HYDIN: variants seen among roughly 807,000 people sequenced by gnomAD.
The protein encoded by HYDIN is axonemal central pair apparatus protein HYDIN.
A neutral mutation model predicts 403.9 loss-of-function variants in HYDIN; 132 were observed. That is an observed-to-expected ratio of 0.33 (90% CI 0.28 to 0.38). The LOEUF is 0.38. HYDIN is among the 10% of genes least tolerant of loss of function. The pLI, the probability that HYDIN is intolerant of heterozygous loss-of-function variation, is 1.00. For synonymous variants in HYDIN, 1,202 were observed against 1,891.7 expected, an observed-to-expected ratio of 0.64 and a Z score of 9.46; for missense variants, 2,827 against 5,009.5, an observed-to-expected ratio of 0.56 and a Z score of 13.15.
At chr16:70,885,536 A>G (rs2041077647) in intron 58 of HYDIN, among the ~76,000 whole-genome samples, 1 of 152,162 alleles carries the variant, frequency 6.6e-6, no homozygotes, top group Non-Finnish European at 1.5e-5. Flanking sequence ...GCAGAAAGCT[A>G]GAAGAGATGG....
chr16:71,130,470 GTTTTTTTTTTTTTTTTTTTT>G (rs56853905), intron 8 of HYDIN, among the ~76,000 whole-genome samples: 1 of 75,786 alleles, frequency 1.3e-5, no homozygotes, highest in African/African-American at 4.6e-5. Context: ...ATATATACCG[GTTTTTTTTTTTTTTTTTTTT>G]TTTTTTTTGA....
intron 81 of HYDIN, 147 bp downstream of exon 81, chr16:70,829,471 C>A: frequency 1.5e-6 from 1 of 658,082 alleles, no homozygotes; most frequent in Non-Finnish European, 2.7e-6. Context: ...TGACCTCAGG[C>A]GATCCACCCT....
chr16:71,182,443 T>A (rs1812445881), intron 3 of HYDIN, among the ~76,000 whole-genome samples: 1 of 152,038 alleles, frequency 6.6e-6, no homozygotes, highest in South Asian at 2.1e-4. Flanking sequence ...GCAGTATGAT[T>A]AAAGACACAT....
chr16:70,975,822 CTTAGAGTAT>C (rs1415502568), intron 30 of HYDIN, among the ~76,000 whole-genome samples: 1 of 83,288 alleles, frequency 1.2e-5, no homozygotes, highest in African/African-American at 4.5e-5. Context: ...TCTTCCTCCC[CTTAGAGTAT>C]TTAGTTTAGA....
intron 1 of HYDIN, among the ~76,000 whole-genome samples, chr16:71,213,308 A>T (rs1395310100): frequency 6.6e-6 from 1 of 152,098 alleles, no homozygotes; most frequent in Non-Finnish European, 1.5e-5. Context: ...TCATGAATTT[A>T]AAAAATAATA....
chr16:70,825,263 G>A (rs924913286), intron 83 of HYDIN, among the ~76,000 whole-genome samples: 3 of 151,860 alleles, frequency 2.0e-5, no homozygotes, highest in African/African-American at 7.3e-5. Context: ...GAATCATTTA[G>A]GACTTTCTCT....
chr16:71,004,069 C>T (rs2144081424), intron 23 of HYDIN, among the ~76,000 whole-genome samples: 1 of 151,452 alleles, frequency 6.6e-6, no homozygotes, highest in Non-Finnish European at 1.5e-5. Context: ...AATCCCAGCA[C>T]TTTGGGAGGC....
chr16:70,972,906 T>C (rs2078773155), intron 35 of HYDIN, among the ~76,000 whole-genome samples: 1 of 152,326 alleles, frequency 6.6e-6, no homozygotes, highest in Middle Eastern at 3.4e-3. Context: ...CAGATGAGAT[T>C]TTTCTGCCAA....
chr16:70,807,543 C>G lies in HYDIN; in HGVS notation c.*37G>C, dbSNP rs752028034. 1 of 1,556,074 alleles carries G rather than the reference C, an allele frequency of 6.4e-7. No homozygotes were observed. Among genetic ancestry groups the G allele is most frequent in the South Asian group, 1.2e-5 (1 of 80,528 alleles). On this transcript the variant is annotated 3_prime_UTR_variant, in exon 86 of 86. Coordinates refer to ENST00000393567, the MANE Select transcript of HYDIN (RefSeq NM_001270974.2). ...TATTCTTTTTCAGGCTAAGACAATGCATAGCTTTTGGTTGATACAGGTAAC... is the reference window on the plus strand; with the variant it reads ...TATTCTTTTTCAGGCTAAGACAATGGATAGCTTTTGGTTGATACAGGTAAC...
rs1308504528 is a variant in HYDIN at position 70,805,588 on chromosome 16, T to C, written c.*1992A>G. Among the ~76,000 whole-genome samples, 1 of 152,230 alleles carries C rather than the reference T, an allele frequency of 6.6e-6. No homozygotes were observed. Among genetic ancestry groups the C allele is most frequent in the Non-Finnish European group, 1.5e-5 (1 of 68,032 alleles). Reference sequence around the variant, plus strand: ...CAGTAAGCCCTCCAGGGGATGCTGATGTATACTAATATTTCAGAAGCACTG... The same window carrying C: ...CAGTAAGCCCTCCAGGGGATGCTGACGTATACTAATATTTCAGAAGCACTG... On this transcript the variant is annotated 3_prime_UTR_variant, in exon 86 of 86. Coordinates refer to ENST00000393567, the MANE Select transcript of HYDIN (RefSeq NM_001270974.2).
At chr16:71,207,009 T>C (rs1427069430) in intron 1 of HYDIN, among the ~76,000 whole-genome samples, 1 of 152,150 alleles carries the variant, frequency 6.6e-6, no homozygotes, top group Non-Finnish European at 1.5e-5. Flanking sequence ...TGTTTCAGGA[T>C]ACCATCCATG....
chr16:71,024,347 T>TCAC (rs1243121100), intron 21 of HYDIN, among the ~76,000 whole-genome samples: 1 of 152,192 alleles, frequency 6.6e-6, no homozygotes, highest in Non-Finnish European at 1.5e-5. Context: ...CCCTCCCTTG[T>TCAC]CACCAGACTA....
intron 10 of HYDIN, among the ~76,000 whole-genome samples, chr16:71,110,923 G>A (rs1038014011): frequency 2.2e-5 from 2 of 92,700 alleles, no homozygotes; most frequent in African/African-American, 4.4e-5. Flanking sequence ...ATACTTTCCT[G>A]GGAAACCTAG....
At chr16:71,048,126 T>C (rs2081511802) in intron 18 of HYDIN, among the ~76,000 whole-genome samples, 1 of 150,130 alleles carries the variant, frequency 6.7e-6, no homozygotes, top group Non-Finnish European at 1.5e-5. Context: ...TTTCACTTAA[T>C]GTAATATCCT....
chr16:70,968,907 T>C (rs1043558130), intron 36 of HYDIN, among the ~76,000 whole-genome samples: 2 of 151,738 alleles, frequency 1.3e-5, no homozygotes, highest in African/African-American at 4.8e-5. Context: ...TGAACATACT[T>C]GAAGCAAATA....
At chr16:71,193,732 G>A (rs1486444199) in intron 1 of HYDIN, among the ~76,000 whole-genome samples, 1 of 152,130 alleles carries the variant, frequency 6.6e-6, no homozygotes, top group African/African-American at 2.4e-5. Context: ...CTGCAGGGAC[G>A]TGTACGTGTC....
intron 15 of HYDIN, 99 bp from the exon 16 acceptor site, chr16:71,064,939 G>T (rs1568091924): frequency 7.6e-7 from 1 of 1,322,586 alleles, no homozygotes; most frequent in Non-Finnish European, 1.0e-6. Context: ...GTGTCACATA[G>T]TAGTTTTTCT....
intron 77 of HYDIN, 84 bp downstream of exon 77, chr16:70,837,606 G>C: frequency 7.2e-7 from 1 of 1,391,056 alleles, no homozygotes; most frequent in Non-Finnish European, 1.0e-6. Context: ...GGCTGGAAGG[G>C]TGAAGGGGTT....
At chr16:70,953,515 C>T (rs2078136490) in intron 40 of HYDIN, among the ~76,000 whole-genome samples, 1 of 152,180 alleles carries the variant, frequency 6.6e-6, no homozygotes, top group South Asian at 2.1e-4. Context: ...ACTTCCCTGA[C>T]AGTCCCTGTG....
Sources: gnomAD v4.1 joint callset for allele counts (sites outside exome capture counted in the v4.1 genomes callset) on GRCh38, gnomAD v4.1.1 for gene constraint, MANE v1.5 for transcripts, NCBI Gene and HGNC (gene_info 2026-07-23, HGNC 2026-07-21) for gene names.